Variants in ABCC4 observed in about 807,000 individuals in gnomAD.
The protein encoded by ABCC4 is ATP-binding cassette sub-family C member 4.
In ABCC4, 102 loss-of-function variants were observed where a neutral mutation model predicts 168.5. The observed-to-expected ratio is 0.61, with a 90% CI of 0.52 to 0.71. The LOEUF (loss-of-function observed/expected upper bound fraction) is 0.71, where lower values mean the gene tolerates loss of function less well. ABCC4 is among the 30% of genes least tolerant of loss of function. ABCC4 has a pLI of 0.00. For missense variants in ABCC4, 1,402 were observed against 1,605.8 expected, an observed-to-expected ratio of 0.87 and a Z score of 2.17; for synonymous variants, 617 against 590.7, an observed-to-expected ratio of 1.04 and a Z score of -0.65.
intron 20 of ABCC4, among the ~76,000 whole-genome samples, chr13:95,086,597 T>C (rs776767358): frequency 6.6e-6 from 1 of 152,092 alleles, no homozygotes; most frequent in Non-Finnish European, 1.5e-5. Flanking sequence ...TTTTTAGGTA[T>C]CTATCCACTA....
chr13:95,112,597 G>T (rs1029735853), intron 20 of ABCC4, among the ~76,000 whole-genome samples: 2 of 152,092 alleles, frequency 1.3e-5, no homozygotes, highest in African/African-American at 4.8e-5. Flanking sequence ...AATACCATCC[G>T]TAGTTGGTTC....
intron 21 of ABCC4, among the ~76,000 whole-genome samples, chr13:95,081,119 G>A (rs578196527): frequency 6.6e-6 from 1 of 152,144 alleles, no homozygotes; most frequent in South Asian, 2.1e-4. Flanking sequence ...AGCCAATCAG[G>A]GTACAGGAAC....
chr13:95,090,370 C>A (rs914094307), intron 20 of ABCC4, among the ~76,000 whole-genome samples: 2 of 152,154 alleles, frequency 1.3e-5, no homozygotes, highest in Non-Finnish European at 2.9e-5. Flanking sequence ...CCATTGCACC[C>A]CCCGACCACC....
At chr13:95,107,830 G>A (rs551806751) in intron 20 of ABCC4, among the ~76,000 whole-genome samples, 1 of 152,274 alleles carries the variant, frequency 6.6e-6, no homozygotes, top group South Asian at 2.1e-4. Flanking sequence ...CAGCCACTGT[G>A]GAGGAGTCTG....
rs374559726 is a variant in ABCC4 at position 95,267,754 on chromosome 13, G to C, written c.75-20001C>G. 1.2e-3 allele frequency among the ~76,000 whole-genome samples: 190 copies of C among 152,256 alleles called. 2 individuals are homozygous for C. In the South Asian group the frequency reaches 0.034, roughly 27 times the overall value. On this transcript the variant is annotated intron_variant, in intron 1 of 30. Transcript: ENST00000645237. ...TCAGGGACATAATATAACATAGTGG[G>C]TCCCTAGCAGCTGATGCTAACAGAT...
rs564941405 is a variant in ABCC4 at position 95,299,827 on chromosome 13, C to A, written c.74+1414G>T. On this transcript the variant is annotated intron_variant, in intron 1 of 30. Transcript: ENST00000645237. ...GGTTCAGGCTTATGTAGTTAGCAGA[C>A]GGAATTCCCCCACACACACCCGCCA... 3.9e-5 allele frequency among the ~76,000 whole-genome samples: 6 copies of A among 152,038 alleles called. No individual in the cohort carries two copies. The East Asian group carries it at 9.7e-4, about 25-fold the overall frequency.
Position 95,057,914 on chromosome 13 carries a change from G to T in ABCC4, c.3367-4730C>A, listed in dbSNP as rs139304027. On this transcript the variant is annotated intron_variant, in intron 26 of 30. Coordinates refer to ENST00000645237, the MANE Select transcript of ABCC4 (RefSeq NM_005845.5). ...TTTCCACTCACTTCTGAGGAAGAGG[G>T]GTGTATGCTTTCTGCACTGCAGACC... Among the ~76,000 whole-genome samples, 6 of 152,288 alleles carry T rather than the reference G, an allele frequency of 3.9e-5. No individual in the cohort carries two copies. The East Asian group carries it at 9.7e-4, about 25-fold the overall frequency.
chr13:95,142,658 A>G (rs2036358119), intron 19 of ABCC4, among the ~76,000 whole-genome samples: 1 of 152,188 alleles, frequency 6.6e-6, no homozygotes, highest in South Asian at 2.1e-4. Flanking sequence ...TATCTAAGGT[A>G]CACACTTAAG....
chr13:95,133,774 G>A (rs1441326786), intron 19 of ABCC4, among the ~76,000 whole-genome samples: 2 of 152,190 alleles, frequency 1.3e-5, no homozygotes, highest in African/African-American at 2.4e-5. Context: ...GGGTGCTGAA[G>A]GGACACAAGA....
chr13:95,263,180 G>A (rs920429528), intron 1 of ABCC4, among the ~76,000 whole-genome samples: 5 of 152,248 alleles, frequency 3.3e-5, no homozygotes, highest in African/African-American at 1.2e-4. Flanking sequence ...GCTGCTGGCT[G>A]TTAATTCAAG....
intron 11 of ABCC4, among the ~76,000 whole-genome samples, chr13:95,182,672 T>C (rs1474411194): frequency 6.6e-6 from 1 of 152,220 alleles, no homozygotes; most frequent in South Asian, 2.1e-4. Context: ...ATGAGGTGAA[T>C]AGTTTATTAT....
intron 19 of ABCC4, among the ~76,000 whole-genome samples, chr13:95,147,527 C>T (rs988931566): frequency 6.6e-6 from 1 of 152,124 alleles, no homozygotes; most frequent in Non-Finnish European, 1.5e-5. Flanking sequence ...CTAAAAACAT[C>T]CCATGAATAA....
At chr13:95,124,919 A>T (rs1226946708) in intron 19 of ABCC4, among the ~76,000 whole-genome samples, 1 of 151,594 alleles carries the variant, frequency 6.6e-6, no homozygotes, top group Non-Finnish European at 1.5e-5. Flanking sequence ...TAATAATATA[A>T]AGGTACATCC....
At chr13:95,197,219 T>C (rs1455299961) in intron 8 of ABCC4, among the ~76,000 whole-genome samples, 1 of 152,220 alleles carries the variant, frequency 6.6e-6, no homozygotes, top group Non-Finnish European at 1.5e-5. Flanking sequence ...ACAGACTGTA[T>C]GATCGGCTTA....
chr13:95,276,997 C>T (rs1370245820), intron 1 of ABCC4, among the ~76,000 whole-genome samples: 4 of 151,990 alleles, frequency 2.6e-5, no homozygotes, highest in Non-Finnish European at 4.4e-5. Flanking sequence ...CCAGACTGGG[C>T]GACAGAGCGA....
intron 1 of ABCC4, among the ~76,000 whole-genome samples, chr13:95,252,448 G>C (rs2040289237): frequency 1.3e-5 from 2 of 152,180 alleles, no homozygotes; most frequent in Admixed American, 1.3e-4. Context: ...GGCCGAGGCA[G>C]GTGGATTGCC....
At chr13:95,266,723 C>A (rs796826270) in intron 1 of ABCC4, among the ~76,000 whole-genome samples, 3 of 152,198 alleles carry the variant, frequency 2.0e-5, no homozygotes, top group African/African-American at 7.2e-5. Context: ...GGGGCATTAT[C>A]CCTTTGGTGA....
chr13:95,213,405 C>T (rs2039018076), intron 4 of ABCC4, among the ~76,000 whole-genome samples: 1 of 152,142 alleles, frequency 6.6e-6, no homozygotes, highest in Non-Finnish European at 1.5e-5. Context: ...GATGGTTGTT[C>T]CAAGTTGTAG....
chr13:95,258,907 A>G (rs908031194), intron 1 of ABCC4, among the ~76,000 whole-genome samples: 3 of 152,200 alleles, frequency 2.0e-5, no homozygotes, highest in Non-Finnish European at 4.4e-5. Context: ...ATCATTGGTT[A>G]GTTTTCCTTG....
Sources: gnomAD v4.1 joint callset for allele counts (sites outside exome capture counted in the v4.1 genomes callset) on GRCh38, gnomAD v4.1.1 for gene constraint, MANE v1.5 for transcripts, NCBI Gene and HGNC (gene_info 2026-07-23, HGNC 2026-07-21) for gene names.